Variants in OSBPL10 observed in about 807,000 individuals in gnomAD.
OSBPL10 encodes the protein oxysterol binding protein like 10.
OSBPL10 carries 49 observed loss-of-function variants against 81.7 expected under a neutral mutation model. The ratio of observed to expected loss-of-function variants is 0.60; its 90% CI spans 0.48 to 0.76. The LOEUF (loss-of-function observed/expected upper bound fraction) is 0.76. OSBPL10 is among the 30% of genes least tolerant of loss of function. The probability of loss-of-function intolerance (pLI) is 0.00; values close to 1 mark genes in which losing one functional copy is unlikely to be tolerated. For synonymous variants in OSBPL10, 419 were observed against 383.6 expected, an observed-to-expected ratio of 1.09 and a Z score of -1.08; for missense variants, 923 against 987.8, an observed-to-expected ratio of 0.93 and a Z score of 0.88.
At chr3:31,937,696 CA>C in intron 1 of OSBPL10, among the ~76,000 whole-genome samples, 1 of 102,720 alleles carries the variant, frequency 9.7e-6, no homozygotes, top group East Asian at 3.9e-4. Flanking sequence ...CTCTTGGGAC[CA>C]CCCTTCCCCC....
chr3:31,868,110 T>C (rs1320900112), intron 3 of OSBPL10, among the ~76,000 whole-genome samples: 43 of 151,594 alleles, frequency 2.8e-4, no homozygotes. Context: ...CATGTGTCTC[T>C]CTGCATTTTT....
intron 1 of OSBPL10, among the ~76,000 whole-genome samples, chr3:31,972,151 G>A (rs1698584218): frequency 6.6e-6 from 1 of 152,208 alleles, no homozygotes; most frequent in East Asian, 1.9e-4. Flanking sequence ...CACTTCGGGA[G>A]GCCAAGGCGG....
At chr3:31,770,905 C>T in intron 4 of OSBPL10, among the ~76,000 whole-genome samples, 1 of 152,164 alleles carries the variant, frequency 6.6e-6, no homozygotes, top group Non-Finnish European at 1.5e-5. Flanking sequence ...CGAGGGAGCA[C>T]CCCATTCTCC....
chr3:31,954,303 A>G (rs1401709386), intron 1 of OSBPL10, among the ~76,000 whole-genome samples: 1 of 152,192 alleles, frequency 6.6e-6, no homozygotes, highest in Non-Finnish European at 1.5e-5. Flanking sequence ...AATCCTCTAC[A>G]AAGAGCCTTT....
intron 1 of OSBPL10, among the ~76,000 whole-genome samples, chr3:31,916,884 T>C (rs1470544059): frequency 1.3e-5 from 2 of 152,244 alleles, no homozygotes; most frequent in Admixed American, 1.3e-4. Context: ...CTGCTTTCCA[T>C]CTTTAACTGT....
intron 1 of OSBPL10, among the ~76,000 whole-genome samples, chr3:32,057,930 A>G (rs1465088698): frequency 6.6e-6 from 1 of 152,226 alleles, no homozygotes; most frequent in African/African-American, 2.4e-5. Context: ...ATGCAAAGGA[A>G]CTGGCCTGTG....
chr3:31,732,874 G>C (rs1428876305), intron 6 of OSBPL10: 2 of 259,016 alleles, frequency 7.7e-6, no homozygotes, highest in South Asian at 8.4e-5. Flanking sequence ...GCAAGAGCTT[G>C]TATCAGCAGG....
intron 2 of OSBPL10, among the ~76,000 whole-genome samples, chr3:32,003,192 T>G (rs533325615): frequency 6.6e-6 from 1 of 152,344 alleles, no homozygotes; most frequent in South Asian, 2.1e-4. Flanking sequence ...GAGGACTGCG[T>G]AACACTTACA....
chr3:31,783,031 C>G (rs1698737264), intron 4 of OSBPL10, among the ~76,000 whole-genome samples: 1 of 150,696 alleles, frequency 6.6e-6, no homozygotes, highest in African/African-American at 2.4e-5. Context: ...AAATATGGAA[C>G]TAGCCTAAAT....
chr3:31,834,368 G>A (rs1700320254), intron 3 of OSBPL10, among the ~76,000 whole-genome samples: 1 of 152,188 alleles, frequency 6.6e-6, no homozygotes, highest in African/African-American at 2.4e-5. Context: ...CTTTGCTTAG[G>A]AGAATCGTCC....
chr3:31,921,873 T>G (rs1696926957), intron 1 of OSBPL10, among the ~76,000 whole-genome samples: 1 of 152,216 alleles, frequency 6.6e-6, no homozygotes, highest in African/African-American at 2.4e-5. Context: ...ATCATGTTGA[T>G]AGTATGTACC....
At chr3:31,907,096 G>T (rs1696428698) in intron 1 of OSBPL10, 1 of 152,174 alleles carries the variant, frequency 6.6e-6, no homozygotes, top group Non-Finnish European at 1.5e-5. Context: ...CAGATACACA[G>T]ATGCACAGAC....
chr3:31,933,979 G>A (rs936525642), intron 1 of OSBPL10, among the ~76,000 whole-genome samples: 30 of 149,514 alleles, frequency 2.0e-4, no homozygotes, highest in Middle Eastern at 3.5e-3. Context: ...ATAGTATGAC[G>A]AAAATAAATG....
intron 2 of OSBPL10, chr3:31,990,357 C>G: frequency 1.2e-6 from 2 of 1,614,064 alleles, no homozygotes; most frequent in African/African-American, 1.3e-5. Context: ...AGAGATCTTA[C>G]AAGTGTAATA....
At chr3:31,997,306 C>T (rs1474576859) in intron 2 of OSBPL10, among the ~76,000 whole-genome samples, 1 of 151,602 alleles carries the variant, frequency 6.6e-6, no homozygotes, top group Non-Finnish European at 1.5e-5. Context: ...CACTCTGTCG[C>T]CAGGCTGGAG....
At chr3:31,721,776 G>A (rs1559433445) in intron 6 of OSBPL10, 1 of 152,182 alleles carries the variant, frequency 6.6e-6, no homozygotes, top group African/African-American at 2.4e-5. Context: ...AGATAAGCTA[G>A]GTCGGCCAAA....
At chr3:31,898,716 T>C (rs2125672842) in intron 1 of OSBPL10, among the ~76,000 whole-genome samples, 1 of 152,196 alleles carries the variant, frequency 6.6e-6, no homozygotes, top group Non-Finnish European at 1.5e-5. Flanking sequence ...TTAAGGTTCT[T>C]TGGGATAATA....
intron 3 of OSBPL10, among the ~76,000 whole-genome samples, chr3:31,851,747 G>A (rs1700772586): frequency 6.6e-6 from 1 of 152,174 alleles, no homozygotes; most frequent in Admixed American, 6.5e-5. Flanking sequence ...CAGTATCCTG[G>A]CAAAGGGGGT....
chr3:31,729,845 C>CT (rs1157727676), intron 6 of OSBPL10, among the ~76,000 whole-genome samples: 1 of 152,214 alleles, frequency 6.6e-6, no homozygotes, highest in Non-Finnish European at 1.5e-5. Flanking sequence ...GCCTGGAACT[C>CT]TAAGTGTGGC....
Sources: gnomAD v4.1 joint callset for allele counts (sites outside exome capture counted in the v4.1 genomes callset) on GRCh38, gnomAD v4.1.1 for gene constraint, MANE v1.5 for transcripts, NCBI Gene and HGNC (gene_info 2026-07-23, HGNC 2026-07-21) for gene names.